FUS: variants seen among roughly 807,000 people sequenced by gnomAD.
FUS encodes the protein RNA-binding protein FUS.
In FUS, 5 loss-of-function variants were observed where a neutral mutation model predicts 82.7. The ratio of observed to expected loss-of-function variants is 0.06; its 90% CI spans 0.03 to 0.13. The LOEUF (loss-of-function observed/expected upper bound fraction) is 0.13. Among genes scored for constraint, FUS ranks in the 10% least tolerant of loss-of-function variants. FUS has a pLI of 1.00. For synonymous variants in FUS, 281 were observed against 247.4 expected (o/e 1.14, Z -1.27); for missense variants, 512 against 707.8 (o/e 0.72, Z 3.14).
downstream of FUS, chr16:31,193,629 A>G (rs1406300608): frequency 3.8e-6 from 2 of 529,318 alleles, no homozygotes; most frequent in African/African-American, 1.9e-5. Context: ...TTAAAAGGAA[A>G]TAGGGTCCCA....
Position 31,184,345 on chromosome 16 carries a change from C to A in FUS, c.472C>A (p.Gln158Lys). The A allele has an allele frequency of 6.2e-7, 1 of 1,613,984 alleles. No homozygotes were observed. Among genetic ancestry groups the A allele is most frequent in the South Asian group, 1.1e-5 (1 of 91,082 alleles). Residue 158 changes from glutamine to lysine, a missense_variant, in exon 5 of 15, where the codon CAG becomes AAG. Coordinates refer to ENST00000254108, the MANE Select transcript of FUS (RefSeq NM_004960.4). ...SYNPPQGYGQ[Q>K]NQYNSSSGGG... is the part of the protein sequence containing the mutation. ...TAATCCCCCTCAGGGCTATGGACAG[C>A]AGAACCAGTACAACAGCAGCAGTGG...
At chr16:31,180,560 C>G (rs1239251448) in intron 1 of FUS, among the ~76,000 whole-genome samples, 1 of 152,238 alleles carries the variant, frequency 6.6e-6, no homozygotes. Context: ...CTCCCGGCCC[C>G]GCGCTCGAGC....
intron 3 of FUS, chr16:31,183,310 T>C (rs2079209669): frequency 5.9e-6 from 1 of 168,398 alleles, no homozygotes; most frequent in Non-Finnish European, 1.3e-5. Flanking sequence ...AAAATGTTTA[T>C]TGGTTTGTGA....
chr16:31,189,569 G>A, intron 9 of FUS, 96 bp from the exon 10 acceptor site: 1 of 1,563,230 alleles, frequency 6.4e-7, no homozygotes, highest in Non-Finnish European at 8.8e-7. Flanking sequence ...GGGAGCTGAA[G>A]TTTGGGAATT....
intron 3 of FUS, 89 bp from the exon 4 acceptor site, chr16:31,183,769 G>T (rs760734970): frequency 5.3e-6 from 8 of 1,510,698 alleles, no homozygotes; most frequent in Non-Finnish European, 7.4e-6. Context: ...CTGGCTTTAT[G>T]AGTATAGGTA....
chr16:31,189,621 C>T (rs753722607), intron 9 of FUS, 44 bp from the exon 10 acceptor site: 3 of 1,613,602 alleles, frequency 1.9e-6, no homozygotes, highest in South Asian at 2.2e-5. Flanking sequence ...AAAGGGAGTA[C>T]TGTAGCCTTT....
chr16:31,189,428 T>G (rs558713171), intron 9 of FUS, among the ~76,000 whole-genome samples: 1 of 152,252 alleles, frequency 6.6e-6, no homozygotes, highest in Non-Finnish European at 1.5e-5. Flanking sequence ...GTATAACTTA[T>G]CAGAGTACCC....
downstream of FUS, chr16:31,193,414 T>C (rs747342999): frequency 1.9e-6 from 1 of 527,362 alleles, no homozygotes; most frequent in East Asian, 4.0e-5. Flanking sequence ...GTTAAATGTT[T>C]AGTTGAAATG....
Position 31,190,978 on chromosome 16 carries a change from A to G in FUS, c.1409A>G (p.Asp470Gly). The change falls in exon 14 of 15, where the codon GAT becomes GGT. Residue 470 changes from aspartate (D) to glycine (G), a missense_variant. Coordinates refer to ENST00000254108, the MANE Select transcript of FUS (RefSeq NM_004960.4). ...GGSHMGGNYG[D>G]DRRGGRGGYD... Reference sequence around the variant, plus strand: ...TTTGTCCTAGGGGGTAACTACGGGGATGATCGTCGTGGTGGCAGAGGAGGC... The same window carrying G: ...TTTGTCCTAGGGGGTAACTACGGGGGTGATCGTCGTGGTGGCAGAGGAGGC... The G allele has an allele frequency of 6.2e-7, 1 of 1,612,952 alleles. No homozygotes were observed. Among genetic ancestry groups the G allele is most frequent in the Non-Finnish European group, 8.5e-7 (1 of 1,179,436 alleles).
intron 6 of FUS, chr16:31,186,383 C>T (rs1035029443): frequency 2.0e-5 from 7 of 343,130 alleles, no homozygotes; most frequent in Non-Finnish European, 3.3e-5. Flanking sequence ...AAAGCAAAAA[C>T]CACAAAAATG....
intron 14 of FUS, 97 bp downstream of exon 14, chr16:31,191,207 G>C: frequency 5.2e-6 from 8 of 1,539,658 alleles, no homozygotes; most frequent in Non-Finnish European, 7.1e-6. Flanking sequence ...TTGAGGGCTA[G>C]GTGGAAAGAC....
intron 5 of FUS, 66 bp from the exon 6 acceptor site, chr16:31,184,873 A>C (rs553372350): frequency 2.6e-6 from 4 of 1,553,334 alleles, no homozygotes; most frequent in Non-Finnish European, 3.5e-6. Flanking sequence ...AACCTTTTCA[A>C]ACCTTTTAGT....
chr16:31,190,192 A>AG (rs746561318), intron 11 of FUS, 51 bp downstream of exon 11: 11 of 1,613,936 alleles, frequency 6.8e-6, no homozygotes, highest in Non-Finnish European at 9.3e-6. Flanking sequence ...AGAGTGCAGA[A>AG]GATGGTAAAG....
chr16:31,186,738 CAA>C, intron 6 of FUS, 62 bp from the exon 7 acceptor site: 1 of 1,537,576 alleles, frequency 6.5e-7, no homozygotes, highest in Middle Eastern at 1.7e-4. Flanking sequence ...TAAACAAAAT[CAA>C]AAAACAACCT....
At chr16:31,187,213 T>G (rs1404992427) in intron 7 of FUS, 3 of 376,284 alleles carry the variant, frequency 8.0e-6, no homozygotes, top group East Asian at 4.1e-5. Flanking sequence ...TGTCCAAGGC[T>G]TGTGTGTGTG....
intron 8 of FUS, chr16:31,188,750 G>T (rs2079309386): frequency 6.4e-6 from 3 of 466,100 alleles, no homozygotes; most frequent in Non-Finnish European, 1.2e-5. Context: ...TCCTGTTTAG[G>T]TTGTATTGAT....
chr16:31,184,855 A>T, intron 5 of FUS, 84 bp from the exon 6 acceptor site: 2 of 1,390,984 alleles, frequency 1.4e-6, no homozygotes, highest in Non-Finnish European at 2.0e-6. Context: ...ATTGCCTGGC[A>T]CTTGTCAAAC....
Position 31,183,920 on chromosome 16 carries a change from C to A in FUS, c.253C>A (p.Gln85Lys). The change falls in exon 4 of 15, where the codon CAG becomes AAG. Residue 85 changes from glutamine to lysine, a missense_variant. By Grantham distance (53) the Gln-to-Lys change is moderately conservative. Around this residue, in one of 6 missense-constraint regions of FUS, gnomAD observed 276 missense variants for 303.3 expected, o/e 0.91. Coordinates refer to ENST00000254108, the MANE Select transcript of FUS (RefSeq NM_004960.4). ...YGSTGGYGSS[Q>K]SSQSSYGQQS... ...CTCGACTGGCGGCTATGGCAGTAGCCAGAGCTCCCAATCGTCTTACGGGCA... is the reference window on the plus strand; with the variant it reads ...CTCGACTGGCGGCTATGGCAGTAGCAAGAGCTCCCAATCGTCTTACGGGCA... The A allele has an allele frequency of 6.2e-7, 1 of 1,614,146 alleles. No individual in the cohort carries two copies. The highest frequency in any genetic ancestry group is 8.5e-7 in the Non-Finnish European group (1 of 1,180,020).
At chr16:31,180,345 T>C (rs2058037136) in intron 1 of FUS, 118 bp downstream of exon 1, 1 of 1,343,946 alleles carries the variant, frequency 7.4e-7, no homozygotes, top group Non-Finnish European at 1.0e-6. Context: ...GGCGCCCCTG[T>C]GGCGGGAAGC....
Sources: allele counts gnomAD v4.1 joint callset (sites outside exome capture counted in the v4.1 genomes callset), GRCh38; gene constraint gnomAD v4.1.1; regional missense constraint gnomAD v4.1.1; transcripts MANE v1.5; gene names NCBI Gene and HGNC (gene_info 2026-07-23, HGNC 2026-07-21).